NEDD4: variants seen among roughly 807,000 people sequenced by gnomAD.
NEDD4 encodes the protein E3 ubiquitin-protein ligase NEDD4.
NEDD4 carries 99 observed loss-of-function variants against 144.9 expected under a neutral mutation model. The ratio of observed to expected loss-of-function variants is 0.68; its 90% CI spans 0.58 to 0.81. NEDD4 has a LOEUF of 0.81. Ranked by LOEUF, NEDD4 falls within the 30% of genes least tolerant of loss-of-function variation. The pLI, the probability that NEDD4 is intolerant of heterozygous loss-of-function variation, is 0.00. For synonymous variants in NEDD4, 318 were observed against 350.6 expected (o/e 0.91, Z 1.04); for missense variants, 985 against 1,065.9 (o/e 0.92, Z 1.06).
At chr15:55,869,889 A>AAATAAATAAATAAATAAATC (rs58734138) in intron 7 of NEDD4, among the ~76,000 whole-genome samples, 217 of 149,978 alleles carry the variant, frequency 1.4e-3, no homozygotes, top group African/African-American at 1.9e-3. Context: ...ATAAATAAAT[A>AAATAAATAAATAAATAAATC]AATAATTGTT....
chr15:55,856,324 A>G, intron 11 of NEDD4, 128 bp from the exon 12 acceptor site: 1 of 769,470 alleles, frequency 1.3e-6, no homozygotes, highest in Non-Finnish European at 2.1e-6. Context: ...GCAAATGTTG[A>G]GAGTGCAGGC....
At chr15:55,976,732 C>A (rs1335403152) in intron 1 of NEDD4, among the ~76,000 whole-genome samples, 1 of 151,590 alleles carries the variant, frequency 6.6e-6, no homozygotes, top group Non-Finnish European at 1.5e-5. Context: ...TGGGCTCACG[C>A]CGTTCTCCTG....
chr15:55,877,477 A>C (rs2035035223), intron 5 of NEDD4, among the ~76,000 whole-genome samples: 1 of 152,236 alleles, frequency 6.6e-6, no homozygotes, highest in South Asian at 2.1e-4. Flanking sequence ...TAATGGTATT[A>C]ACTTCAATCA....
intron 4 of NEDD4, among the ~76,000 whole-genome samples, chr15:55,948,686 A>G (rs1191911697): frequency 6.6e-6 from 1 of 152,214 alleles, no homozygotes; most frequent in Non-Finnish European, 1.5e-5. Context: ...CAAACCTGAC[A>G]AAAACAAGAA....
At chr15:55,922,173 A>G (rs1474491714) in intron 5 of NEDD4, among the ~76,000 whole-genome samples, 2 of 152,196 alleles carry the variant, frequency 1.3e-5, no homozygotes, top group East Asian at 1.9e-4. Flanking sequence ...AATAACACTA[A>G]TATCTATTAA....
At chr15:55,977,779 A>G (rs1192052445) in intron 1 of NEDD4, among the ~76,000 whole-genome samples, 1 of 151,860 alleles carries the variant, frequency 6.6e-6, no homozygotes, top group African/African-American at 2.4e-5. Context: ...TTTTTCTGGA[A>G]GGTCACTGAA....
intron 1 of NEDD4, among the ~76,000 whole-genome samples, chr15:55,977,992 AAAT>A (rs1262946515): frequency 5.9e-5 from 9 of 152,324 alleles, no homozygotes; most frequent in African/African-American, 1.9e-4. Context: ...TGACAACAGC[AAAT>A]AATGTTACTT....
intron 2 of NEDD4, 94 bp downstream of exon 2, chr15:55,966,379 T>A: frequency 1.4e-6 from 1 of 720,714 alleles, no homozygotes; most frequent in Non-Finnish European, 2.3e-6. Context: ...AACAATTTAC[T>A]AATACTATTT....
chr15:55,952,156 G>A (rs887106222), intron 2 of NEDD4, among the ~76,000 whole-genome samples: 6 of 151,384 alleles, frequency 4.0e-5, no homozygotes, highest in Non-Finnish European at 7.4e-5. Flanking sequence ...GTGAAACCCC[G>A]TCTCTACTAA....
chr15:55,862,934 T>C lies in NEDD4; in HGVS notation c.653A>G (p.Gln218Arg), dbSNP rs765427939. 6.2e-6 allele frequency: 10 copies of C among 1,607,132 alleles called. No homozygotes were observed. Among genetic ancestry groups the C allele is most frequent in the South Asian group, 2.2e-5 (2 of 89,994 alleles). Residue 218 changes from glutamine (Q) to arginine (R), a missense_variant, in exon 9 of 29, where the codon CAG (glutamine) becomes CGG (arginine). Physicochemically the swap from Gln to Arg is conservative, Grantham distance 43 (BLOSUM62 1). Coordinates refer to ENST00000435532, the MANE Select transcript of NEDD4 (RefSeq NM_006154.4). ...YYVNHESRRT[Q>R]WKRPTPQDNL... ...ATACTGAGGGGTTGGTCTTTTCCAC[T>C]GTGTTCTTCTAGATTCATGGTTTAC...
At chr15:55,966,361 C>A (rs1270851666) in intron 2 of NEDD4, 112 bp downstream of exon 2, 1 of 638,802 alleles carries the variant, frequency 1.6e-6, no homozygotes, top group Non-Finnish European at 2.7e-6. Flanking sequence ...TATTATTATA[C>A]TTTCCACAAC....
intron 5 of NEDD4, among the ~76,000 whole-genome samples, chr15:55,921,091 T>C (rs1016327515): frequency 1.3e-5 from 2 of 152,236 alleles, no homozygotes; most frequent in African/African-American, 4.8e-5. Context: ...TGACATTTTA[T>C]ATTTGTATCA....
intron 11 of NEDD4, among the ~76,000 whole-genome samples, chr15:55,858,595 C>A (rs750452795): frequency 1.3e-5 from 2 of 152,178 alleles, no homozygotes; most frequent in Admixed American, 1.3e-4. Flanking sequence ...GCGTGAGCCA[C>A]CACGCCTGGC....
chr15:55,893,803 T>C (rs1362890383), intron 5 of NEDD4, among the ~76,000 whole-genome samples: 11 of 148,744 alleles, frequency 7.4e-5, no homozygotes, highest in Non-Finnish European at 1.6e-4. Context: ...TCATACTACA[T>C]ACTAGATATA....
chr15:55,871,829 C>T (rs142671797), intron 7 of NEDD4, among the ~76,000 whole-genome samples: 5 of 152,174 alleles, frequency 3.3e-5, no homozygotes, highest in East Asian at 3.9e-4. Flanking sequence ...AATCCACACA[C>T]GTTTTCACTA....
chr15:55,851,750 T>C (rs1370924056), intron 13 of NEDD4, among the ~76,000 whole-genome samples: 2 of 152,048 alleles, frequency 1.3e-5, no homozygotes, highest in Non-Finnish European at 2.9e-5. Context: ...GTGCTGGGAT[T>C]ATAGGCATGA....
At chr15:55,926,421 G>A (rs1428858800) in intron 4 of NEDD4, among the ~76,000 whole-genome samples, 1 of 152,182 alleles carries the variant, frequency 6.6e-6, no homozygotes, top group Non-Finnish European at 1.5e-5. Context: ...TGACCATGGA[G>A]TAACTGAGGA....
At chr15:55,985,498 A>G (rs2037875612) in intron 1 of NEDD4, among the ~76,000 whole-genome samples, 2 of 152,244 alleles carry the variant, frequency 1.3e-5, no homozygotes, top group African/African-American at 2.4e-5. Context: ...GAAGAGCTGA[A>G]GTGGCAGAGG....
intron 21 of NEDD4, among the ~76,000 whole-genome samples, chr15:55,839,999 A>AAATATATAT (rs1566901067): frequency 3.8e-5 from 1 of 26,146 alleles, no homozygotes; most frequent in Non-Finnish European, 6.8e-5. Context: ...AAAAAAAAAA[A>AAATATATAT]ATATATATAT....
Sources: gnomAD v4.1 joint callset for allele counts (sites outside exome capture counted in the v4.1 genomes callset) on GRCh38, gnomAD v4.1.1 for gene constraint, MANE v1.5 for transcripts, NCBI Gene and HGNC (gene_info 2026-07-23, HGNC 2026-07-21) for gene names.